Variants in PRDM16 observed in about 807,000 individuals in gnomAD.
PRDM16 encodes the protein histone-lysine N-methyltransferase PRDM16.
Under a neutral mutation model 110.6 loss-of-function variants are expected in PRDM16, and 23 were observed. The ratio of observed to expected loss-of-function variants is 0.21; its 90% CI spans 0.15 to 0.29. The LOEUF (loss-of-function observed/expected upper bound fraction) is 0.29, where lower values mean the gene tolerates loss of function less well. Ranked by LOEUF, PRDM16 falls within the 10% of genes least tolerant of loss-of-function variation. The pLI is 1.00. For missense variants in PRDM16, 1,615 were observed against 1,794.3 expected (o/e 0.90, Z 1.81); for synonymous variants, 799 against 781.8 (o/e 1.02, Z -0.37).
chr1:3,091,755 C>T (rs1212680717), intron 1 of PRDM16, among the ~76,000 whole-genome samples: 1 of 152,168 alleles, frequency 6.6e-6, no homozygotes, highest in Non-Finnish European at 1.5e-5. Flanking sequence ...ATATATGGGT[C>T]GTGAGCTCGG....
intron 1 of PRDM16, among the ~76,000 whole-genome samples, chr1:3,114,191 A>ACGCG (rs1553127266): frequency 9.2e-4 from 121 of 131,798 alleles, no homozygotes; most frequent in Middle Eastern, 8.8e-3. Flanking sequence ...ACACGCACAC[A>ACGCG]CGCACACGCA....
chr1:3,134,156 C>T (rs1014189457), intron 1 of PRDM16, among the ~76,000 whole-genome samples: 20 of 152,148 alleles, frequency 1.3e-4, no homozygotes, highest in Non-Finnish European at 2.9e-4. Flanking sequence ...CTGCTGGGAC[C>T]TTGGAGATCA....
intron 4 of PRDM16, among the ~76,000 whole-genome samples, chr1:3,385,510 C>T (rs948826164): frequency 6.6e-6 from 1 of 152,178 alleles, no homozygotes; most frequent in East Asian, 1.9e-4. Flanking sequence ...GCTCAGGGAC[C>T]CTGCCTGAGG....
chr1:3,433,952 T>A lies in PRDM16; in HGVS notation c.*141T>A. 1 of 833,196 alleles carries A rather than the reference T, an allele frequency of 1.2e-6. No individual in the cohort carries two copies. The highest frequency in any genetic ancestry group is 1.8e-6 in the Non-Finnish European group (1 of 548,100). The allele number at this position is 833,196 out of a possible 1,614,324, so 51.6% of individuals were successfully genotyped here. On this transcript the variant is annotated 3_prime_UTR_variant, in exon 17 of 17. Coordinates refer to ENST00000270722, the MANE Select transcript of PRDM16 (RefSeq NM_022114.4). ...CCCACCCACCATGGTTCATTCCGAC[T>A]TTTCCAATGGAAACTCAGATCCCAA... is the stretch of plus-strand genomic sequence containing the variant.
rs375424291 is a variant in PRDM16 at position 3,150,428 on chromosome 1, C to T, written c.38-35697C>T. On this transcript the variant is annotated intron_variant, in intron 1 of 16. Coordinates refer to ENST00000270722, the MANE Select transcript of PRDM16 (RefSeq NM_022114.4). ...AAAAAAATCAGCTGGGCGTGGTGGCCCGTGCCTGTAGTCCCAGCTAATTGG... is the reference window on the plus strand; with the variant it reads ...AAAAAAATCAGCTGGGCGTGGTGGCTCGTGCCTGTAGTCCCAGCTAATTGG... Among the ~76,000 whole-genome samples the T allele has an allele frequency of 9.9e-5, 15 of 151,728 alleles. No homozygotes were observed. The East Asian group carries it at 2.5e-3, about 26-fold the overall frequency.
At chr1:3,171,459 C>A (rs1294779613) in intron 1 of PRDM16, among the ~76,000 whole-genome samples, 1 of 150,884 alleles carries the variant, frequency 6.6e-6, no homozygotes, top group Non-Finnish European at 1.5e-5. Context: ...TTGATTGCAA[C>A]CCCCTCCAAA....
intron 2 of PRDM16, among the ~76,000 whole-genome samples, chr1:3,203,252 G>A (rs561031766): frequency 3.4e-4 from 51 of 151,902 alleles, no homozygotes; most frequent in African/African-American, 1.1e-3. Context: ...AGATGGTTGC[G>A]TCCCACGCCA....
chr1:3,114,376 G>C (rs1343763884), intron 1 of PRDM16, among the ~76,000 whole-genome samples: 1 of 119,714 alleles, frequency 8.4e-6, no homozygotes, highest in African/African-American at 3.3e-5. Flanking sequence ...ACACACGCAG[G>C]TGTAAACAGA....
At chr1:3,193,414 A>G (rs1468591516) in intron 2 of PRDM16, among the ~76,000 whole-genome samples, 1 of 152,206 alleles carries the variant, frequency 6.6e-6, no homozygotes, top group Non-Finnish European at 1.5e-5. Context: ...CAGCCACCAG[A>G]GGCTGGTTTG....
At position 3,438,187 on chromosome 1, in the gene PRDM16, A is replaced by T. The variant is rs901792964; in HGVS notation, c.*4376A>T. On this transcript the variant is annotated 3_prime_UTR_variant, in exon 17 of 17. Transcript: ENST00000270722. ...ATTGTAAATTGCTTCTGTTCTGTTT[A>T]TAAGTAAACTGTGCATGACTCCTGC... 10 of 204,506 alleles carry T rather than the reference A, an allele frequency of 4.9e-5. No homozygotes were observed. The highest frequency in any genetic ancestry group is 2.3e-4 in the African/African-American group (10 of 43,674). The allele number at this position is 204,506 out of a possible 1,614,324, so 12.7% of individuals were successfully genotyped here. A position where few individuals can be genotyped will look rare whatever the true frequency, so the allele number is the denominator to read the frequency against.
intron 1 of PRDM16, among the ~76,000 whole-genome samples, chr1:3,123,256 T>C (rs1321521347): frequency 6.6e-6 from 1 of 152,240 alleles, no homozygotes; most frequent in African/African-American, 2.4e-5. Flanking sequence ...GGAACGTGTC[T>C]GTCTCCATGG....
At chr1:3,106,449 G>A (rs1004441330) in intron 1 of PRDM16, among the ~76,000 whole-genome samples, 6 of 152,194 alleles carry the variant, frequency 3.9e-5, no homozygotes, top group African/African-American at 9.7e-5. Flanking sequence ...TCAGGGGCCC[G>A]AGGGCTGGTG....
chr1:3,073,565 C>T (rs1433335135), intron 1 of PRDM16, among the ~76,000 whole-genome samples: 1 of 152,136 alleles, frequency 6.6e-6, no homozygotes, highest in Non-Finnish European at 1.5e-5. Flanking sequence ...ACTTCGCGAG[C>T]GAAGCCAGCT....
Position 3,436,772 on chromosome 1 carries a change from G to A in PRDM16, c.*2961G>A, listed in dbSNP as rs530571869. ...CGGGGCCATGTAACTGTGCAGCATG[G>A]ACAGGGATGCGACGGGGCAGCTGGC... On this transcript the variant is annotated 3_prime_UTR_variant, in exon 17 of 17. Transcript: ENST00000270722. 7.3e-5 allele frequency: 17 copies of A among 233,190 alleles called. No individual in the cohort carries two copies. The East Asian group carries it at 1.0e-3, about 14-fold the overall frequency. The allele number at this position is 233,190 out of a possible 1,614,324, so 14.4% of individuals were successfully genotyped here.
chr1:3,318,464 A>G (rs998245075), intron 3 of PRDM16, among the ~76,000 whole-genome samples: 4 of 152,214 alleles, frequency 2.6e-5, no homozygotes, highest in Non-Finnish European at 4.4e-5. Context: ...ACATCCTATC[A>G]TCTGTTGATT....
chr1:3,391,313 G>A (rs1294982848), intron 4 of PRDM16, among the ~76,000 whole-genome samples: 1 of 152,160 alleles, frequency 6.6e-6, no homozygotes, highest in Non-Finnish European at 1.5e-5. Context: ...AGGTTGCTTT[G>A]ATTCCCATTT....
At chr1:3,289,232 A>T (rs978988931) in intron 3 of PRDM16, among the ~76,000 whole-genome samples, 2 of 152,192 alleles carry the variant, frequency 1.3e-5, no homozygotes, top group African/African-American at 4.8e-5. Flanking sequence ...GGGGAGGACC[A>T]GGGCTGCTGA....
intron 3 of PRDM16, among the ~76,000 whole-genome samples, chr1:3,270,263 A>G (rs1640410534): frequency 7.0e-6 from 1 of 143,354 alleles, no homozygotes; most frequent in Non-Finnish European, 1.5e-5. Context: ...GAAGGACAGG[A>G]GGAGCACAGT....
chr1:3,316,269 G>A (rs1034483146), intron 3 of PRDM16, among the ~76,000 whole-genome samples: 2 of 148,820 alleles, frequency 1.3e-5, no homozygotes, highest in African/African-American at 4.9e-5. Flanking sequence ...CTACACTGTG[G>A]GGGTAGGGGT....
Sources: gnomAD v4.1 joint callset for allele counts (sites outside exome capture counted in the v4.1 genomes callset) on GRCh38, gnomAD v4.1.1 for gene constraint, MANE v1.5 for transcripts, NCBI Gene and HGNC (gene_info 2026-07-23, HGNC 2026-07-21) for gene names.